The following FTCDNL1 variants were observed in gnomAD, a reference collection of about 807,000 sequenced individuals.
The protein encoded by FTCDNL1 is formiminotransferase N-terminal subdomain-containing protein.
In FTCDNL1, 11 loss-of-function variants were observed where a neutral mutation model predicts 5.9. The ratio of observed to expected loss-of-function variants is 1.87; its 90% CI spans 1.18 to 3.10. The LOEUF (loss-of-function observed/expected upper bound fraction) is 3.10. Ranked by LOEUF, FTCDNL1 falls within the 30% of genes most tolerant of loss-of-function variation. The pLI, the probability that FTCDNL1 is intolerant of heterozygous loss-of-function variation, is 0.00. For missense variants in FTCDNL1, 115 were observed against 65.5 expected, an observed-to-expected ratio of 1.76 and a Z score of -2.61; for synonymous variants, 58 against 24.8, an observed-to-expected ratio of 2.34 and a Z score of -3.99.
chr2:199,845,674 T>C (rs1205084954), intron 3 of FTCDNL1, among the ~76,000 whole-genome samples: 1 of 152,038 alleles, frequency 6.6e-6, no homozygotes, highest in Non-Finnish European at 1.5e-5. Flanking sequence ...ATGGCCCAAC[T>C]CCAGATCTCA....
intron 3 of FTCDNL1, among the ~76,000 whole-genome samples, chr2:199,822,403 CA>C (rs925906716): frequency 6.6e-6 from 1 of 151,750 alleles, no homozygotes; most frequent in African/African-American, 2.4e-5. Context: ...GACCCTGTCT[CA>C]AAAAAAACCA....
intron 3 of FTCDNL1, among the ~76,000 whole-genome samples, chr2:199,834,287 G>T (rs549485818): frequency 6.6e-6 from 1 of 152,104 alleles, no homozygotes; most frequent in East Asian, 1.9e-4. Flanking sequence ...CCCTGATCGC[G>T]GACTTCTAGC....
intron 3 of FTCDNL1, among the ~76,000 whole-genome samples, chr2:199,791,680 TTA>T (rs1265393244): frequency 2.0e-5 from 3 of 152,168 alleles, no homozygotes; most frequent in Non-Finnish European, 4.4e-5. Context: ...AATATAAAAT[TTA>T]TGTTAAATCC....
chr2:199,843,200 A>G (rs766991200), intron 3 of FTCDNL1, among the ~76,000 whole-genome samples: 1 of 152,202 alleles, frequency 6.6e-6, no homozygotes, highest in Non-Finnish European at 1.5e-5. Flanking sequence ...CTGCCAATGA[A>G]GCAAAGGGCA....
At chr2:199,737,930 A>T in the FTCDNL1 span, among the ~76,000 whole-genome samples, 8 of 152,196 alleles carry the variant, frequency 5.3e-5, no homozygotes, top group Non-Finnish European at 8.8e-5. Flanking sequence ...CTGAGACATA[A>T]GGTTCCCTGT....
the FTCDNL1 span, among the ~76,000 whole-genome samples, chr2:199,745,019 C>A: frequency 2.6e-5 from 4 of 152,236 alleles, no homozygotes; most frequent in Admixed American, 2.6e-4. Context: ...GTCCACCGGG[C>A]AAACCAGGCC....
intron 3 of FTCDNL1, among the ~76,000 whole-genome samples, chr2:199,795,226 G>C (rs1346896558): frequency 6.6e-6 from 1 of 152,176 alleles, no homozygotes; most frequent in Non-Finnish European, 1.5e-5. Context: ...GAGACCCTTT[G>C]ACCTGAGTAA....
At chr2:199,691,461 A>T in the FTCDNL1 span, among the ~76,000 whole-genome samples, 10 of 152,242 alleles carry the variant, frequency 6.6e-5, no homozygotes, top group Admixed American at 4.6e-4. Context: ...ATTACAGTTG[A>T]CAGAATAGCC....
At chr2:199,696,825 T>C in the FTCDNL1 span, among the ~76,000 whole-genome samples, 1 of 152,116 alleles carries the variant, frequency 6.6e-6, no homozygotes, top group Non-Finnish European at 1.5e-5. Context: ...AAATGATAGA[T>C]GTAGAATTCA....
chr2:199,780,570 A>C (rs965827248), intron 3 of FTCDNL1, among the ~76,000 whole-genome samples: 1 of 152,196 alleles, frequency 6.6e-6, no homozygotes, highest in Non-Finnish European at 1.5e-5. Flanking sequence ...AGCTGGTCTC[A>C]AAACCAGCCC....
At chr2:199,727,088 G>A in the FTCDNL1 span, among the ~76,000 whole-genome samples, 1 of 152,368 alleles carries the variant, frequency 6.6e-6, no homozygotes, top group South Asian at 2.1e-4. Context: ...AGTTCTGTCT[G>A]TAAACCCCTG....
chr2:199,776,948 A>ATG (rs1559177807), intron 3 of FTCDNL1, among the ~76,000 whole-genome samples: 1 of 132,346 alleles, frequency 7.6e-6, no homozygotes, highest in African/African-American at 2.9e-5. Context: ...ACACACAGAG[A>ATG]TGTGTGTATA....
intron 3 of FTCDNL1, among the ~76,000 whole-genome samples, chr2:199,794,636 G>C (rs1170809170): frequency 6.6e-6 from 1 of 152,164 alleles, no homozygotes; most frequent in Non-Finnish European, 1.5e-5. Flanking sequence ...CCAACACTTA[G>C]GGAGGCTAAG....
the FTCDNL1 span, among the ~76,000 whole-genome samples, chr2:199,748,921 C>T: frequency 6.6e-6 from 1 of 152,160 alleles, no homozygotes; most frequent in Non-Finnish European, 1.5e-5. Flanking sequence ...CTCCTGCTCC[C>T]CATTGCCTCC....
At chr2:199,836,155 T>C (rs1205334127) in intron 3 of FTCDNL1, among the ~76,000 whole-genome samples, 1 of 152,168 alleles carries the variant, frequency 6.6e-6, no homozygotes, top group Non-Finnish European at 1.5e-5. Context: ...TGTTGATATT[T>C]CTTTTTCTGT....
chr2:199,790,892 T>C (rs1449764346), intron 3 of FTCDNL1, among the ~76,000 whole-genome samples: 1 of 152,180 alleles, frequency 6.6e-6, no homozygotes, highest in Non-Finnish European at 1.5e-5. Flanking sequence ...TTTCAATTTC[T>C]GTGAAAATTT....
intron 3 of FTCDNL1, among the ~76,000 whole-genome samples, chr2:199,761,874 G>T (rs531587618): frequency 6.6e-6 from 1 of 152,276 alleles, no homozygotes; most frequent in South Asian, 2.1e-4. Context: ...CTCAGAACCT[G>T]ATCAAAAGTT....
the FTCDNL1 span, among the ~76,000 whole-genome samples, chr2:199,705,578 C>A: frequency 6.6e-6 from 1 of 152,224 alleles, no homozygotes. Flanking sequence ...AATCCATATG[C>A]TTTTTATTTC....
rs1371094486 is a variant in FTCDNL1, at chr2:199,811,065, C to T, written c.*1640G>A. ...GTACATAATGAAACATTTCAACTCC[C>T]GAGGCTGGGCCTCTTCCTCCTGGGA... On this transcript the variant is annotated 3_prime_UTR_variant, in exon 5 of 5. Transcript: ENST00000420128. Among the ~76,000 whole-genome samples the T allele has an allele frequency of 2.0e-5, 3 of 152,154 alleles. No homozygotes were observed. The highest frequency in any genetic ancestry group is 1.9e-4 in the East Asian group (1 of 5,194).
Sources: allele counts gnomAD v4.1 joint callset (sites outside exome capture counted in the v4.1 genomes callset), GRCh38; gene constraint gnomAD v4.1.1; transcripts MANE v1.5; gene names NCBI Gene and HGNC (gene_info 2026-07-23, HGNC 2026-07-21).